Variants in CIB2 observed in about 807,000 individuals in gnomAD.
CIB2 encodes the protein calcium and integrin binding family member 2, also known as calcium and integrin-binding family member 2.
In CIB2, 19 loss-of-function variants were observed where a neutral mutation model predicts 23.1. The observed-to-expected ratio is 0.82, with a 90% CI of 0.57 to 1.21. CIB2 has a LOEUF of 1.21. CIB2 is among the 50% of genes most tolerant of loss of function. CIB2 has a pLI of 0.00. For missense variants in CIB2, 220 were observed against 241.5 expected, an observed-to-expected ratio of 0.91 and a Z score of 0.59; for synonymous variants, 94 against 91.7, an observed-to-expected ratio of 1.03 and a Z score of -0.14.
intron 2 of CIB2, among the ~76,000 whole-genome samples, chr15:78,122,707 G>C (rs1156939023): frequency 6.6e-6 from 1 of 152,246 alleles, no homozygotes; most frequent in Non-Finnish European, 1.5e-5. Context: ...ACAGATGCCA[G>C]GTCTACTGAT....
chr15:78,106,295 GA>G (rs966602384), intron 4 of CIB2, among the ~76,000 whole-genome samples: 3 of 152,192 alleles, frequency 2.0e-5, no homozygotes, highest in Non-Finnish European at 2.9e-5. Flanking sequence ...TAGAGCTAAG[GA>G]AACTAAGGCC....
chr15:78,128,501 AC>A (rs2074410877), intron 1 of CIB2, among the ~76,000 whole-genome samples: 1 of 152,036 alleles, frequency 6.6e-6, no homozygotes. Context: ...ACATGGCAAA[AC>A]CCTGTTTTTA....
chr15:78,127,897 G>A (rs2074402412), intron 1 of CIB2, among the ~76,000 whole-genome samples: 1 of 152,216 alleles, frequency 6.6e-6, no homozygotes, highest in Non-Finnish European at 1.5e-5. Context: ...CTTAGGCCCA[G>A]AAGGGAACAG....
upstream of CIB2, chr15:78,131,506 C>T (rs1051092623): frequency 9.4e-5 from 15 of 160,032 alleles, no homozygotes; most frequent in African/African-American, 3.6e-4. This position sits in a 1 kb window ranked among gnomAD's most constrained non-coding sequence, Gnocchi z 5.8. Flanking sequence ...GCGACCTGGC[C>T]CCGGGAGACG....
At chr15:78,128,885 C>T (rs951550923) in intron 1 of CIB2, among the ~76,000 whole-genome samples, 1 of 152,150 alleles carries the variant, frequency 6.6e-6, no homozygotes, top group African/African-American at 2.4e-5. Context: ...CCAGGTGACC[C>T]ACAAAAGAGG....
intron 1 of CIB2, 64 bp from the exon 2 acceptor site, chr15:78,123,803 C>A: frequency 9.5e-6 from 15 of 1,576,538 alleles, no homozygotes; most frequent in African/African-American, 1.3e-5. Context: ...TCCTCAGAGG[C>A]CTCGATGCCA....
chr15:78,130,581 T>C (rs1290498695), intron 1 of CIB2, among the ~76,000 whole-genome samples: 1 of 152,104 alleles, frequency 6.6e-6, no homozygotes, highest in Non-Finnish European at 1.5e-5. Flanking sequence ...CTAAGGGAGC[T>C]GGGAGAGGTG....
At chr15:78,120,199 C>T (rs781021298) in intron 2 of CIB2, among the ~76,000 whole-genome samples, 3 of 152,060 alleles carry the variant, frequency 2.0e-5, no homozygotes. Context: ...CCAACGTACC[C>T]GACCACAATC....
intron 1 of CIB2, among the ~76,000 whole-genome samples, chr15:78,127,765 C>T (rs2141920148): frequency 6.6e-6 from 1 of 152,316 alleles, no homozygotes; most frequent in East Asian, 1.9e-4. Context: ...CAGGCCTCAG[C>T]ACTGCCCAGG....
In CIB2 at chr15:78,109,380, C is replaced by G. The variant is rs2141887570; in HGVS notation, c.201G>C (p.Glu67Asp). 5 of 1,614,100 alleles carry G rather than the reference C, an allele frequency of 3.1e-6. No individual in the cohort carries two copies. The highest frequency in any genetic ancestry group is 4.2e-6 in the Non-Finnish European group (5 of 1,180,034). ...CCACGATCCTTTCTTTGAAGGGATT[C>G]TCCTGAAGAAAACACACACAGCAAT... ...SLIIQMPELR[E>D]NPFKERIVAA... Residue 67 changes from glutamate (E) to aspartate (D), a missense_variant and splice_region_variant, in exon 4 of 6, where the codon GAG (glutamate) becomes GAC (aspartate). Physicochemically the swap from Glu to Asp is conservative, Grantham distance 45. Coordinates refer to ENST00000258930, the MANE Select transcript of CIB2 (RefSeq NM_006383.4).
Position 78,131,086 on chromosome 15 carries a change from G to A in CIB2, c.51+79C>T. The A allele has an allele frequency of 7.7e-7, 1 of 1,306,832 alleles. No individual in the cohort carries two copies. Among genetic ancestry groups the A allele is most frequent in the South Asian group, 1.3e-5 (1 of 76,110 alleles). The allele number at this position is 1,306,832 out of a possible 1,614,324, so 81.0% of individuals were successfully genotyped here. A position where few individuals can be genotyped will look rare whatever the true frequency, so the allele number is the denominator to read the frequency against. On this transcript the variant is annotated intron_variant, in intron 1 of 5. Coordinates refer to ENST00000258930, the MANE Select transcript of CIB2 (RefSeq NM_006383.4). This position sits in a 1 kb window ranked among gnomAD's most constrained non-coding sequence, Gnocchi z 5.8. ...ACCTGGGAGAGCTGGCTCTCGGGAG[G>A]CCTCGGCCAGCGACCGAGAAAAGGG... is the stretch of plus-strand genomic sequence containing the variant.
chr15:78,117,246 CA>C (rs60332437), intron 2 of CIB2, among the ~76,000 whole-genome samples: 316 of 55,406 alleles, frequency 5.7e-3, no homozygotes, highest in African/African-American at 0.025. Context: ...AAGCTACTGG[CA>C]AAAAAAAAAA....
chr15:78,130,009 T>G (rs112845666), intron 1 of CIB2, among the ~76,000 whole-genome samples: 1 of 152,124 alleles, frequency 6.6e-6, no homozygotes, highest in Non-Finnish European at 1.5e-5. Flanking sequence ...CTAGGGCTTC[T>G]AGGAGGAGAA....
intron 4 of CIB2, 150 bp downstream of exon 4, chr15:78,109,085 C>A (rs1457336728): frequency 2.3e-6 from 2 of 888,060 alleles, no homozygotes; most frequent in East Asian, 5.3e-5. Context: ...TCTCCCTTGG[C>A]CACCCCACTG....
At chr15:78,105,505 G>A in intron 5 of CIB2, 173 bp from the exon 6 acceptor site, 3 of 1,493,190 alleles carry the variant, frequency 2.0e-6, no homozygotes, top group Non-Finnish European at 2.7e-6. Context: ...GAACAGCGGT[G>A]CCCAGGGAGT....
intron 2 of CIB2, among the ~76,000 whole-genome samples, chr15:78,118,966 A>C (rs2074280552): frequency 6.6e-6 from 1 of 152,106 alleles, no homozygotes; most frequent in Non-Finnish European, 1.5e-5. Flanking sequence ...GGATCATTTG[A>C]GGTCAGGAGT....
In CIB2 at chr15:78,107,579, C is replaced by T. The variant is rs1450630743; in HGVS notation, c.347-1645G>A. On this transcript the variant is annotated intron_variant, in intron 4 of 5. Coordinates refer to ENST00000258930, the MANE Select transcript of CIB2 (RefSeq NM_006383.4). Reference sequence around the variant, plus strand: ...GGAGGGCCCTGGCTGCCTCTCCCCACTCCACCCCCAGCCTAGAGCAGCAAG... The same window carrying T: ...GGAGGGCCCTGGCTGCCTCTCCCCATTCCACCCCCAGCCTAGAGCAGCAAG... Among the ~76,000 whole-genome samples, 3 of 152,216 alleles carry T rather than the reference C, an allele frequency of 2.0e-5. No homozygotes were observed. In the East Asian group the frequency reaches 5.8e-4, roughly 29 times the overall value.
At chr15:78,119,052 C>T (rs1267691305) in intron 2 of CIB2, among the ~76,000 whole-genome samples, 5 of 151,594 alleles carry the variant, frequency 3.3e-5, no homozygotes, top group African/African-American at 7.3e-5. Flanking sequence ...TGTTGGTACA[C>T]GCCTGTAATC....
At position 78,109,226 on chromosome 15, in the gene CIB2, C is replaced by T; in HGVS notation, c.346+9G>A. 1 of 1,422,924 alleles carries T rather than the reference C, an allele frequency of 7.0e-7. No homozygotes were observed. The highest frequency in any genetic ancestry group is 1.2e-5 in the South Asian group (1 of 86,880). 88.1% of individuals were successfully genotyped at this position (1,422,924 alleles called of 1,614,324 possible). On this transcript the variant is annotated intron_variant, in intron 4 of 5. Coordinates refer to ENST00000258930, the MANE Select transcript of CIB2 (RefSeq NM_006383.4). ...GCATATTCAGGCCCCCTCCTCTAGC[C>T]CTGGTTACCATAGATCTTGAAGGCA...
Sources: gnomAD v4.1 joint callset for allele counts (sites outside exome capture counted in the v4.1 genomes callset) on GRCh38, gnomAD v4.1.1 for gene constraint, Gnocchi (gnomAD v3.1) non-coding constraint, MANE v1.5 for transcripts, NCBI Gene and HGNC (gene_info 2026-07-23, HGNC 2026-07-21) for gene names.